Variants in IFI16 observed in about 807,000 individuals in gnomAD.
IFI16 encodes interferon gamma inducible protein 16.
IFI16 carries 49 observed loss-of-function variants against 68.4 expected under a neutral mutation model. The observed-to-expected ratio is 0.72, with a 90% CI of 0.57 to 0.91. The LOEUF (loss-of-function observed/expected upper bound fraction) is 0.91. Ranked by LOEUF, IFI16 falls within the 40% of genes least tolerant of loss-of-function variation. The probability of loss-of-function intolerance (pLI) is 0.00; values close to 1 mark genes in which losing one functional copy is unlikely to be tolerated. For missense variants in IFI16, 878 were observed against 942.9 expected (o/e 0.93, Z 0.90); for synonymous variants, 307 against 315.0 (o/e 0.97, Z 0.27).
chr1:159,034,727 C>G (rs1050722788), intron 7 of IFI16, among the ~76,000 whole-genome samples: 70 of 152,260 alleles, frequency 4.6e-4, no homozygotes, highest in African/African-American at 1.6e-3. Context: ...TTGGTTCTCT[C>G]TGGTCCTCCC....
In IFI16 at chr1:159,054,819, A is replaced by G. The variant is rs200659748; in HGVS notation, c.2278-2A>G. ...TCTGTCTTTATCTCTTTCTCCTTCA[A>G]GGTCATCAAGACCAGGAAAAACAAG... On this transcript the variant is annotated splice_acceptor_variant, in intron 11 of 11. Coordinates refer to ENST00000295809, the MANE Select transcript of IFI16 (RefSeq NM_001376587.1). LOFTEE classifies it high-confidence loss of function. 6.4e-7 allele frequency: 1 copy of G among 1,567,016 alleles called. No individual in the cohort carries two copies. Among genetic ancestry groups the G allele is most frequent in the Non-Finnish European group, 8.8e-7 (1 of 1,140,258 alleles).
intron 2 of IFI16, among the ~76,000 whole-genome samples, chr1:159,015,376 G>C (rs1571835180): frequency 1.3e-5 from 2 of 152,124 alleles, no homozygotes. Context: ...CTGCCTCTCA[G>C]AAGTGTGATC....
rs769802828 is a variant in IFI16, at chr1:159,054,875, G to A, written c.2332G>A (p.Glu778Lys). 1 of 1,601,774 alleles carries A rather than the reference G, an allele frequency of 6.2e-7. No individual in the cohort carries two copies. Among genetic ancestry groups the A allele is most frequent in the Admixed American group, 1.7e-5 (1 of 59,592 alleles). ...CATACTCAATCCTGATTCAAGTATG[G>A]AAACTTCACCAGACTTTTTCTTCTA... ...KDILNPDSSM[E>K]TSPDFFF The change falls in exon 12 of 12, where the codon GAA (glutamate) becomes AAA (lysine). Residue 778 changes from glutamate to lysine, a missense_variant. Coordinates refer to ENST00000295809, the MANE Select transcript of IFI16 (RefSeq NM_001376587.1).
At chr1:159,016,443 G>A (rs773649757) in intron 3 of IFI16, 90 bp from the exon 4 acceptor site, 5 of 1,195,406 alleles carry the variant, frequency 4.2e-6, no homozygotes, top group Non-Finnish European at 5.8e-6. Flanking sequence ...CATCTTCTTA[G>A]GAATAATAAA....
At chr1:159,032,775 A>G in intron 7 of IFI16, 84 bp downstream of exon 7, 1 of 983,900 alleles carries the variant, frequency 1.0e-6, no homozygotes, top group Non-Finnish European at 1.4e-6. Flanking sequence ...CTACTGCTGT[A>G]ATCTCTGTGA....
At chr1:159,045,525 C>T in intron 8 of IFI16, 61 bp downstream of exon 8, 1 of 1,588,462 alleles carries the variant, frequency 6.3e-7, no homozygotes, top group East Asian at 2.2e-5. Context: ...AGGATTAACA[C>T]AACCTTGAAA....
chr1:159,046,594 A>G (rs1557880680), intron 8 of IFI16, among the ~76,000 whole-genome samples: 1 of 151,124 alleles, frequency 6.6e-6, no homozygotes, highest in East Asian at 1.9e-4. Flanking sequence ...GTTTCTTTGC[A>G]ATCCTTTCTC....
intron 1 of IFI16, among the ~76,000 whole-genome samples, chr1:159,000,569 C>T (rs1652017202): frequency 6.6e-6 from 1 of 152,084 alleles, no homozygotes; most frequent in African/African-American, 2.4e-5. Context: ...GATCCATTTT[C>T]CTGTTATTTT....
intron 6 of IFI16, among the ~76,000 whole-genome samples, chr1:159,027,290 T>G (rs1319133798): frequency 6.6e-6 from 1 of 152,046 alleles, no homozygotes; most frequent in Non-Finnish European, 1.5e-5. Context: ...GATGATCCGG[T>G]GATTTTTGTT....
intron 10 of IFI16, 124 bp downstream of exon 10, chr1:159,052,222 C>G (rs989395177): frequency 7.4e-6 from 5 of 676,476 alleles, no homozygotes; most frequent in Non-Finnish European, 1.3e-5. Flanking sequence ...ACCCTTCCCC[C>G]AGCACTAGAG....
At chr1:159,016,915 G>A in intron 4 of IFI16, among the ~76,000 whole-genome samples, 1 of 152,170 alleles carries the variant, frequency 6.6e-6, no homozygotes, top group East Asian at 1.9e-4. Context: ...TGTGTTGTTT[G>A]GGGAAGGGAG....
intron 6 of IFI16, among the ~76,000 whole-genome samples, chr1:159,024,177 T>C (rs1653508425): frequency 6.6e-6 from 1 of 152,240 alleles, no homozygotes; most frequent in South Asian, 2.1e-4. Context: ...TCTTAATGGC[T>C]AAGGTCTGTC....
chr1:159,025,928 G>A (rs1653640276), intron 6 of IFI16, among the ~76,000 whole-genome samples: 1 of 152,162 alleles, frequency 6.6e-6, no homozygotes, highest in Non-Finnish European at 1.5e-5. Context: ...TGAATAGGAT[G>A]TCCTTTCCCC....
Position 159,032,706 on chromosome 1 carries a change from G to A in IFI16, c.1329+15G>A. 1 of 1,565,886 alleles carries A rather than the reference G, an allele frequency of 6.4e-7. No homozygotes were observed. Among genetic ancestry groups the A allele is most frequent in the East Asian group, 2.3e-5 (1 of 43,562 alleles). ...TCTTCACCAAGGTACAATTTCCTGG[G>A]TCCCATGCCTCATGTCTCCCCACCA... On this transcript the variant is annotated intron_variant, in intron 7 of 11. Transcript: ENST00000295809.
chr1:159,038,537 T>A (rs985904299), intron 7 of IFI16, among the ~76,000 whole-genome samples: 8 of 152,114 alleles, frequency 5.3e-5, no homozygotes, highest in Non-Finnish European at 1.0e-4. Flanking sequence ...GCTAATTTTT[T>A]AAAATGTTTT....
chr1:159,048,314 T>C lies in IFI16; in HGVS notation c.1498-1118T>C, dbSNP rs144100506. Reference sequence around the variant, plus strand: ...ACCTAATTTATTCTTTATAACACCATACAAAAATGCTATGGCTAGTCCCAC... The same window carrying C: ...ACCTAATTTATTCTTTATAACACCACACAAAAATGCTATGGCTAGTCCCAC... On this transcript the variant is annotated intron_variant, in intron 8 of 11. Transcript: ENST00000295809. Among the ~76,000 whole-genome samples the C allele has an allele frequency of 3.4e-3, 511 of 151,540 alleles. 19 individuals carry two copies. Among genetic ancestry groups the C allele is most frequent in the African/African-American group, 0.012 (492 of 41,422 alleles).
At position 159,032,698 on chromosome 1, in the gene IFI16, T is replaced by C. The variant is rs1198183332; in HGVS notation, c.1329+7T>C. On this transcript the variant is annotated splice_region_variant and intron_variant, in intron 7 of 11. Transcript: ENST00000295809. The stretch of plus-strand genomic sequence containing the variant: ...CAGCAGTTTCTTCACCAAGGTACAA[T>C]TTCCTGGGTCCCATGCCTCATGTCT... 6.3e-7 allele frequency: 1 copy of C among 1,580,914 alleles called. No homozygotes were observed. The highest frequency in any genetic ancestry group is 8.6e-7 in the Non-Finnish European group (1 of 1,167,046).
At chr1:159,025,679 A>T (rs892275875) in intron 6 of IFI16, among the ~76,000 whole-genome samples, 1 of 152,190 alleles carries the variant, frequency 6.6e-6, no homozygotes, top group Non-Finnish European at 1.5e-5. Flanking sequence ...AGCTTAATTA[A>T]GTTCCATCTA....
In IFI16 at chr1:159,055,036, G is replaced by T; in HGVS notation, c.*135G>T. 2 of 420,084 alleles carry T rather than the reference G, an allele frequency of 4.8e-6. No homozygotes were observed. The allele number at this position is 420,084 out of a possible 1,614,324, so 26.0% of individuals were successfully genotyped here. ...TACTAGCTGTTAATCCTATGGAATG[G>T]GGTATTGGGAGTGCTTTTTTAATTT... On this transcript the variant is annotated 3_prime_UTR_variant, in exon 12 of 12. Transcript: ENST00000295809.
Sources: gnomAD v4.1 joint callset for allele counts (sites outside exome capture counted in the v4.1 genomes callset) on GRCh38, gnomAD v4.1.1 for gene constraint, MANE v1.5 for transcripts, NCBI Gene and HGNC (gene_info 2026-07-23, HGNC 2026-07-21) for gene names.